The following CPE variants were observed in gnomAD, a reference collection of about 807,000 sequenced individuals.
CPE encodes the protein carbocypeptidase E.
In CPE, 17 loss-of-function variants were observed where a neutral mutation model predicts 53.5. That is an observed-to-expected ratio of 0.32 (90% CI 0.22 to 0.48). The LOEUF (loss-of-function observed/expected upper bound fraction) is 0.48. Among genes scored for constraint, CPE ranks in the 20% least tolerant of loss-of-function variants. The probability of loss-of-function intolerance (pLI) is 0.99; values close to 1 mark genes in which losing one functional copy is unlikely to be tolerated. For missense variants in CPE, 524 were observed against 614.7 expected (o/e 0.85, Z 1.56); for synonymous variants, 226 against 228.8 (o/e 0.99, Z 0.11).
At chr4:165,454,489 A>T (rs1731868398) in intron 1 of CPE, among the ~76,000 whole-genome samples, 1 of 152,072 alleles carries the variant, frequency 6.6e-6, no homozygotes. Flanking sequence ...TATATTGTTG[A>T]TTTTGTTTTA....
intron 1 of CPE, among the ~76,000 whole-genome samples, chr4:165,420,988 A>T (rs28516800): frequency 0.3 from 44,943 of 152,062 alleles, 6,733 homozygotes; most frequent in Middle Eastern, 0.39. Context: ...TTTTATATAA[A>T]TTTTATCACA....
At chr4:165,426,558 C>T (rs77754383) in intron 1 of CPE, among the ~76,000 whole-genome samples, 3 of 151,906 alleles carry the variant, frequency 2.0e-5, no homozygotes, top group African/African-American at 4.8e-5. Flanking sequence ...ATTGACTTTA[C>T]TTTCAGTGGC....
At chr4:165,438,314 A>T (rs1731545154) in intron 1 of CPE, among the ~76,000 whole-genome samples, 1 of 152,160 alleles carries the variant, frequency 6.6e-6, no homozygotes. Context: ...GTTGTTTTGC[A>T]GCACGGGGCT....
In CPE at chr4:165,482,377, T is replaced by G. The variant is rs1333904832; in HGVS notation, c.790+18T>G. ...GCGGAGTGGTAGGTATTCTTTCTGC[T>G]TCTCTTATTGGTTCAAAGTTTATAA... On this transcript the variant is annotated intron_variant, in intron 4 of 8. Transcript: ENST00000402744. 6.5e-7 allele frequency: 1 copy of G among 1,533,462 alleles called. No homozygotes were observed. The highest frequency in any genetic ancestry group is 9.0e-7 in the Non-Finnish European group (1 of 1,107,214). 95.0% of individuals were successfully genotyped at this position (1,533,462 alleles called of 1,614,324 possible). A position where few individuals can be genotyped will look rare whatever the true frequency, so the allele number is the denominator to read the frequency against.
chr4:165,494,445 G>GA (rs1022093015), intron 7 of CPE, among the ~76,000 whole-genome samples: 119 of 152,324 alleles, frequency 7.8e-4, no homozygotes, highest in African/African-American at 2.8e-3. Context: ...ACTGACGGTA[G>GA]AAAATGAAGT....
chr4:165,494,360 T>A (rs1732665276), intron 7 of CPE, among the ~76,000 whole-genome samples: 2 of 152,192 alleles, frequency 1.3e-5, no homozygotes, highest in Non-Finnish European at 1.5e-5. Flanking sequence ...GGGAAGAAAT[T>A]AAATCAGAGG....
chr4:165,405,091 G>A (rs1395304336), intron 1 of CPE: 2 of 733,454 alleles, frequency 2.7e-6, no homozygotes, highest in Non-Finnish European at 5.0e-6. Flanking sequence ...TGCTGAAGAT[G>A]GAATCCCTTT....
chr4:165,456,619 T>C (rs1158515644), intron 1 of CPE, among the ~76,000 whole-genome samples: 4 of 151,908 alleles, frequency 2.6e-5, no homozygotes, highest in Non-Finnish European at 5.9e-5. Context: ...CAGGCTGGAG[T>C]GCAGTGGCGC....
At chr4:165,407,403 A>G (rs1403375241) in intron 1 of CPE, among the ~76,000 whole-genome samples, 2 of 147,542 alleles carry the variant, frequency 1.4e-5, no homozygotes, top group Non-Finnish European at 1.5e-5. Flanking sequence ...AGAAACTTCC[A>G]TTCTTTTTTT....
chr4:165,485,980 C>A (rs34671098), intron 5 of CPE, among the ~76,000 whole-genome samples: 1 of 152,014 alleles, frequency 6.6e-6, no homozygotes, highest in East Asian at 1.9e-4. Context: ...GGGTTGTGGT[C>A]TCAGGCAAAG....
At chr4:165,485,777 AC>A (rs753921590) in intron 5 of CPE, among the ~76,000 whole-genome samples, 150 of 152,314 alleles carry the variant, frequency 9.8e-4, no homozygotes, top group Non-Finnish European at 1.4e-3. Flanking sequence ...GCTTAACTAA[AC>A]AGTCAAAGGA....
rs148145942 is a variant in CPE at position 165,436,575 on chromosome 4, G to A, written c.308-27815G>A. On this transcript the variant is annotated intron_variant, in intron 1 of 8. Transcript: ENST00000402744. Reference sequence around the variant, plus strand: ...ATAAAACTTTATTTACAAAAAACAGGTGGCCAGCCCATACACTGCAGTTTG... The same window carrying A: ...ATAAAACTTTATTTACAAAAAACAGATGGCCAGCCCATACACTGCAGTTTG... Among the ~76,000 whole-genome samples the A allele has an allele frequency of 3.9e-3, 600 of 152,300 alleles. 3 individuals are homozygous for A. Among genetic ancestry groups the A allele is most frequent in the African/African-American group, 0.013 (558 of 41,552 alleles).
intron 1 of CPE, among the ~76,000 whole-genome samples, chr4:165,449,147 T>C (rs1731767411): frequency 6.6e-6 from 1 of 152,226 alleles, no homozygotes; most frequent in Non-Finnish European, 1.5e-5. Context: ...AAGGCCATTA[T>C]TATGATTATC....
chr4:165,406,269 C>T (rs894674017), intron 1 of CPE: 31 of 626,950 alleles, frequency 4.9e-5, no homozygotes, highest in East Asian at 1.4e-4. Flanking sequence ...TGTAAAATTG[C>T]GGCGTATATA....
At chr4:165,395,277 G>T (rs906190137) in intron 1 of CPE, among the ~76,000 whole-genome samples, 1 of 152,164 alleles carries the variant, frequency 6.6e-6, no homozygotes, top group African/African-American at 2.4e-5. Flanking sequence ...AATATTATTT[G>T]TGGTGAAAGT....
At chr4:165,463,550 A>G (rs896924492) in intron 1 of CPE, among the ~76,000 whole-genome samples, 1 of 152,116 alleles carries the variant, frequency 6.6e-6, no homozygotes, top group Non-Finnish European at 1.5e-5. Flanking sequence ...GCCCCTCTCA[A>G]TCACTATGAT....
chr4:165,460,588 C>A (rs920765063), intron 1 of CPE, among the ~76,000 whole-genome samples: 1 of 152,090 alleles, frequency 6.6e-6, no homozygotes, highest in African/African-American at 2.4e-5. Flanking sequence ...GCCTCAAGCC[C>A]CCTTCAGTTA....
At chr4:165,492,047 C>T (rs1045904325) in intron 6 of CPE, among the ~76,000 whole-genome samples, 5 of 152,208 alleles carry the variant, frequency 3.3e-5, no homozygotes, top group African/African-American at 1.2e-4. Flanking sequence ...GACTCTGTCA[C>T]TTCAAACACA....
chr4:165,470,047 G>T (rs1414364694), intron 3 of CPE, among the ~76,000 whole-genome samples: 1 of 152,200 alleles, frequency 6.6e-6, no homozygotes, highest in Non-Finnish European at 1.5e-5. Flanking sequence ...ATCCATACAG[G>T]TCTTCAGCAA....
Sources: gnomAD v4.1 joint callset for allele counts (sites outside exome capture counted in the v4.1 genomes callset) on GRCh38, gnomAD v4.1.1 for gene constraint, MANE v1.5 for transcripts, NCBI Gene and HGNC (gene_info 2026-07-23, HGNC 2026-07-21) for gene names.